Variants in KBTBD4 observed in about 807,000 individuals in gnomAD.
KBTBD4 encodes kelch repeat and BTB domain-containing protein 4.
In KBTBD4, 30 loss-of-function variants were observed where a neutral mutation model predicts 43.9. That is an observed-to-expected ratio of 0.68 (90% CI 0.51 to 0.93). The LOEUF is 0.93. Among genes scored for constraint, KBTBD4 ranks in the 40% least tolerant of loss-of-function variants. The pLI is 0.00. For synonymous variants in KBTBD4, 258 were observed against 256.9 expected, an observed-to-expected ratio of 1.00 and a Z score of -0.04; for missense variants, 575 against 668.8, an observed-to-expected ratio of 0.86 and a Z score of 1.55.
At chr11:47,575,839 A>G (rs150635349) in intron 2 of KBTBD4, 140 bp from the exon 3 acceptor site, 47 of 495,428 alleles carry the variant, frequency 9.5e-5, no homozygotes, top group African/African-American at 9.4e-4. Flanking sequence ...ACACATATAC[A>G]TGAAATTAAC....
Position 47,575,257 on chromosome 11 carries a change from C to A in KBTBD4, c.744+336G>T, listed in dbSNP as rs2097256922. Among the ~76,000 whole-genome samples, 4 of 151,286 alleles carry A rather than the reference C, an allele frequency of 2.6e-5. No homozygotes were observed. The South Asian group carries it at 8.3e-4, about 32-fold the overall frequency. On this transcript the variant is annotated intron_variant, in intron 3 of 3. Coordinates refer to ENST00000430070, the MANE Select transcript of KBTBD4 (RefSeq NM_018095.6). ...GGCGCGGGGGCTCATGCCTGTAATC[C>A]CAGCACTTTGGGAGGCGGAGGCGGG...
intron 3 of KBTBD4, among the ~76,000 whole-genome samples, 193 bp downstream of exon 3, chr11:47,575,400 G>C (rs575245950): frequency 6.6e-6 from 1 of 151,844 alleles, no homozygotes; most frequent in East Asian, 1.9e-4. Context: ...CCAGCTACTA[G>C]GGAGGCTGAG....
At position 47,577,410 on chromosome 11, in the gene KBTBD4, C is replaced by G; in HGVS notation, c.637+1G>C. Reference sequence around the variant, plus strand: ...ATGGTGTGTCCCCTCCCTAAACTTACCCGAGATGATATCTGTGAGTAAGCG... The same window carrying G: ...ATGGTGTGTCCCCTCCCTAAACTTAGCCGAGATGATATCTGTGAGTAAGCG... On this transcript the variant is annotated splice_donor_variant, in intron 2 of 3. Transcript: ENST00000430070. LOFTEE classifies it high-confidence loss of function. The G allele has an allele frequency of 1.9e-6, 3 of 1,596,892 alleles. No individual in the cohort carries two copies. Among genetic ancestry groups the G allele is most frequent in the South Asian group, 1.1e-5 (1 of 90,056 alleles).
Position 47,577,631 on chromosome 11 carries a change from G to A in KBTBD4, c.417C>T (p.Asp139=), listed in dbSNP as rs1335061416. 1.9e-6 allele frequency: 3 copies of A among 1,614,096 alleles called. No individual in the cohort carries two copies. The highest frequency in any genetic ancestry group is 2.2e-5 in the South Asian group (2 of 91,078). ...CAAAGAGAGATGTCAGCTGATACAT[G>A]TCTGACACCTCATAAATTTCCTGCA... ...EELQEIYEVS[D]MYQLTSLFEE... The change falls in exon 2 of 4, where the codon GAC becomes GAT. Residue 139 remains aspartate (D), a synonymous_variant. Transcript: ENST00000430070.
At chr11:47,577,372 C>T in intron 2 of KBTBD4, 39 bp downstream of exon 2, 1 of 1,544,640 alleles carries the variant, frequency 6.5e-7, no homozygotes, top group Non-Finnish European at 8.8e-7. Context: ...ACATCATAGC[C>T]AAGTAACTGG....
chr11:47,575,787 T>C, intron 2 of KBTBD4, 88 bp from the exon 3 acceptor site: 6 of 777,930 alleles, frequency 7.7e-6, no homozygotes, highest in Non-Finnish European at 1.1e-5. Context: ...ACCACTTTAT[T>C]AGACTACTGC....
Position 47,573,892 on chromosome 11 carries a change from CT to C in KBTBD4, c.745-103del. On this transcript the variant is annotated intron_variant, in intron 3 of 3. Coordinates refer to ENST00000430070, the MANE Select transcript of KBTBD4 (RefSeq NM_018095.6). The surrounding 1 kb of genome is among the most constrained non-coding windows in gnomAD (Gnocchi z 4.1). ...TCCTGGCCCTCACACTTGTTCCTAG[CT>C]TTATCATACTACTCTCTAATTACTG... The C allele has an allele frequency of 9.7e-7, 1 of 1,029,414 alleles. No individual in the cohort carries two copies. The highest frequency in any genetic ancestry group is 1.4e-6 in the Non-Finnish European group (1 of 704,724). The allele number at this position is 1,029,414 out of a possible 1,614,324, so 63.8% of individuals were successfully genotyped here.
rs1289043024 is a variant in KBTBD4 at position 47,578,768 on chromosome 11, G to A, written c.19+165C>T. 4.6e-6 allele frequency: 7 copies of A among 1,508,122 alleles called. No homozygotes were observed. The African/African-American group carries it at 6.9e-5, about 15-fold the overall frequency. 93.4% of individuals were successfully genotyped at this position (1,508,122 alleles called of 1,614,324 possible). On this transcript the variant is annotated intron_variant, in intron 1 of 3. Coordinates refer to ENST00000430070, the MANE Select transcript of KBTBD4 (RefSeq NM_018095.6). ...GCCCTCGTCAAAAGCTTGGCTCAGAGAGCGGGGGAGGGGTGTGTAGCGTAG... is the reference window on the plus strand; with the variant it reads ...GCCCTCGTCAAAAGCTTGGCTCAGAAAGCGGGGGAGGGGTGTGTAGCGTAG...
rs754102309 is a variant in KBTBD4, at chr11:47,577,723, C to T, written c.325G>A (p.Glu109Lys). The part of the protein sequence containing the change: ...NRVIVLQDVS[E>K]SVFQLLVDYI... ...TCAACCAGGAGCTGGAAAACAGACT[C>T]GCTGACATCCTGCAGCACAATCACC... The change falls in exon 2 of 4, where the codon GAG (glutamate) becomes AAG (lysine). Residue 109 changes from glutamate to lysine, a missense_variant. By Grantham distance (56) the Glu-to-Lys change is moderately conservative (BLOSUM62 1). Coordinates refer to ENST00000430070, the MANE Select transcript of KBTBD4 (RefSeq NM_018095.6). 6.2e-7 allele frequency: 1 copy of T among 1,614,192 alleles called. No individual in the cohort carries two copies. Among genetic ancestry groups the T allele is most frequent in the Non-Finnish European group, 8.5e-7 (1 of 1,180,042 alleles).
chr11:47,578,407 G>A (rs2097264438), intron 1 of KBTBD4: 1 of 563,028 alleles, frequency 1.8e-6, no homozygotes, highest in Non-Finnish European at 3.1e-6. Flanking sequence ...CATAAAACTA[G>A]TGAAGCTCAG....
chr11:47,577,359 T>C, intron 2 of KBTBD4, 52 bp downstream of exon 2: 2 of 1,518,464 alleles, frequency 1.3e-6, no homozygotes, highest in Non-Finnish European at 1.8e-6. Context: ...GAACATTCAC[T>C]GAACATCATA....
At chr11:47,578,486 C>A (rs2097264585) in intron 1 of KBTBD4, 2 of 602,686 alleles carry the variant, frequency 3.3e-6, no homozygotes, top group Admixed American at 6.4e-5. Flanking sequence ...CTTCCCAGCG[C>A]ATGGAGTTAA....
rs2097254589 is a variant in KBTBD4, at chr11:47,573,910, T to C, written c.745-120A>G. On this transcript the variant is annotated intron_variant, in intron 3 of 3. Coordinates refer to ENST00000430070, the MANE Select transcript of KBTBD4 (RefSeq NM_018095.6). The surrounding 1 kb of genome is among the most constrained non-coding windows in gnomAD (Gnocchi z 4.1). ...TTCCTAGCTTTATCATACTACTCTCTAATTACTGTATGGCATCCAACTCTC... is the reference window on the plus strand; with the variant it reads ...TTCCTAGCTTTATCATACTACTCTCCAATTACTGTATGGCATCCAACTCTC... The C allele has an allele frequency of 1.1e-6, 1 of 901,678 alleles. No homozygotes were observed. Among genetic ancestry groups the C allele is most frequent in the African/African-American group, 1.7e-5 (1 of 59,696 alleles). The allele number at this position is 901,678 out of a possible 1,614,324, so 55.9% of individuals were successfully genotyped here.
In KBTBD4 at chr11:47,573,323, A is replaced by G. The variant is rs2097252991; in HGVS notation, c.1212T>C (p.Asn404=). The G allele has an allele frequency of 2.5e-6, 4 of 1,613,912 alleles. No homozygotes were observed. The highest frequency in any genetic ancestry group is 1.7e-5 in the Admixed American group (1 of 59,984). ...GIIYLLGGEE[N]DLDFFTKPSR... is the part of the protein sequence containing the mutation. Reference sequence around the variant, plus strand: ...AAGGTTTGGTAAAGAAGTCCAGATCATTCTCCTCCCCCCCTAGTAAGTAGA... The same window carrying G: ...AAGGTTTGGTAAAGAAGTCCAGATCGTTCTCCTCCCCCCCTAGTAAGTAGA... Residue 404 remains asparagine (N), a synonymous_variant, in exon 4 of 4, where the codon AAT becomes AAC. Coordinates refer to ENST00000430070, the MANE Select transcript of KBTBD4 (RefSeq NM_018095.6). This position sits in a 1 kb window ranked among gnomAD's most constrained non-coding sequence, Gnocchi z 4.1.
At position 47,573,303 on chromosome 11, in the gene KBTBD4, T is replaced by G. The variant is rs573371430; in HGVS notation, c.1232A>C (p.Lys411Thr). The change falls in exon 4 of 4, where the codon AAA (lysine) becomes ACA (threonine). Residue 411 changes from lysine (K) to threonine (T), a missense_variant. By Grantham distance (78) the Lys-to-Thr change is moderately conservative. Coordinates refer to ENST00000430070, the MANE Select transcript of KBTBD4 (RefSeq NM_018095.6). The surrounding 1 kb of genome is among the most constrained non-coding windows in gnomAD (Gnocchi z 4.1). ...AAAGCACTGGATGAGTCGGGAAGGTTTGGTAAAGAAGTCCAGATCATTCTC... is the reference window on the plus strand; with the variant it reads ...AAAGCACTGGATGAGTCGGGAAGGTGTGGTAAAGAAGTCCAGATCATTCTC... ...GEENDLDFFT[K>T]PSRLIQCFDT... The G allele has an allele frequency of 6.2e-7, 1 of 1,614,114 alleles. No individual in the cohort carries two copies. The highest frequency in any genetic ancestry group is 1.1e-5 in the South Asian group (1 of 91,078).
At chr11:47,578,326 G>A (rs2097264230) in intron 1 of KBTBD4, 6 of 577,320 alleles carry the variant, frequency 1.0e-5, no homozygotes, top group African/African-American at 5.6e-5. Context: ...TGGGATTTAG[G>A]TCAATATATG....
chr11:47,578,546 C>T (rs1448395364), intron 1 of KBTBD4: 2 of 688,914 alleles, frequency 2.9e-6, no homozygotes, highest in South Asian at 1.5e-5. Context: ...CTTACATTTG[C>T]TCTCTTCTGA....
In KBTBD4 at chr11:47,577,723, C is replaced by A. The variant is rs754102309; in HGVS notation, c.325G>T (p.Glu109Ter). ...NRVIVLQDVSESVFQLLVDYI... is the reference protein window; with the variant it reads ...NRVIVLQDVS ...TCAACCAGGAGCTGGAAAACAGACT[C>A]GCTGACATCCTGCAGCACAATCACC... Residue 109 changes from glutamate to a stop codon, truncating the protein, a stop_gained, in exon 2 of 4, where the codon GAG (glutamate) becomes TAG (stop). Coordinates refer to ENST00000430070, the MANE Select transcript of KBTBD4 (RefSeq NM_018095.6). LOFTEE classifies it high-confidence loss of function. The A allele has an allele frequency of 8.7e-6, 14 of 1,614,192 alleles. No individual in the cohort carries two copies. The highest frequency in any genetic ancestry group is 1.2e-5 in the Non-Finnish European group (14 of 1,180,042).
intron 3 of KBTBD4, among the ~76,000 whole-genome samples, chr11:47,574,044 T>A (rs895005693): frequency 3.9e-5 from 6 of 152,278 alleles, no homozygotes; most frequent in African/African-American, 1.4e-4. Context: ...CAAAGGGTGA[T>A]TAAGATTGTT....
Sources: allele counts gnomAD v4.1 joint callset (sites outside exome capture counted in the v4.1 genomes callset), GRCh38; gene constraint gnomAD v4.1.1; non-coding constraint Gnocchi (gnomAD v3.1); transcripts MANE v1.5; gene names NCBI Gene and HGNC (gene_info 2026-07-23, HGNC 2026-07-21).